Variants in RFX4 observed in about 807,000 individuals in gnomAD.
RFX4 encodes transcription factor RFX4.
RFX4 carries 10 observed loss-of-function variants against 95.0 expected under a neutral mutation model. That is an observed-to-expected ratio of 0.11 (90% CI 0.06 to 0.18). The LOEUF is 0.18. Ranked by LOEUF, RFX4 falls within the 10% of genes least tolerant of loss-of-function variation. The pLI, the probability that RFX4 is intolerant of heterozygous loss-of-function variation, is 1.00. For synonymous variants in RFX4, 321 were observed against 340.7 expected, an observed-to-expected ratio of 0.94 and a Z score of 0.64; for missense variants, 640 against 922.0, an observed-to-expected ratio of 0.69 and a Z score of 3.96.
chr12:106,649,038 A>G (rs375954473), intron 3 of RFX4, among the ~76,000 whole-genome samples: 4 of 152,136 alleles, frequency 2.6e-5, no homozygotes, highest in African/African-American at 9.7e-5. Context: ...CTCAATTCAA[A>G]TATAATCAAG....
At chr12:106,583,615 C>T (rs2039407740) in intron 1 of RFX4, 1 of 373,004 alleles carries the variant, frequency 2.7e-6, no homozygotes, top group Non-Finnish European at 4.8e-6. Context: ...AAGGAGCGCG[C>T]TTTCGCTTGC....
At chr12:106,594,902 A>AG (rs1166456937) in intron 1 of RFX4, among the ~76,000 whole-genome samples, 2 of 152,040 alleles carry the variant, frequency 1.3e-5, no homozygotes, top group East Asian at 3.9e-4. Context: ...AAAGAGAGGG[A>AG]GGGGGACCCC....
At chr12:106,732,840 G>C in intron 14 of RFX4, 84 bp from the exon 15 acceptor site, 2 of 1,357,242 alleles carry the variant, frequency 1.5e-6, no homozygotes. Context: ...ACACAGATTA[G>C]AATAATATTT....
chr12:106,586,216 C>A lies in RFX4; in HGVS notation c.43+2853C>A, dbSNP rs919584907. Among the ~76,000 whole-genome samples, 1 of 152,078 alleles carries A rather than the reference C, an allele frequency of 6.6e-6. No individual in the cohort carries two copies. Among genetic ancestry groups the A allele is most frequent in the African/African-American group, 2.4e-5 (1 of 41,424 alleles). On this transcript the variant is annotated intron_variant, in intron 1 of 17. Coordinates refer to ENST00000392842, the MANE Select transcript of RFX4 (RefSeq NM_213594.3). The surrounding 1 kb of genome is among the most constrained non-coding windows in gnomAD (Gnocchi z 5.6). ...AGGGGCAGTCGACGCACCTTCTGGC[C>A]GGTGCGCGGTTTGCAGTAAGCGCAG... is the stretch of plus-strand genomic sequence containing the variant.
At chr12:106,627,130 A>G (rs2040317789) in intron 2 of RFX4, among the ~76,000 whole-genome samples, 1 of 152,182 alleles carries the variant, frequency 6.6e-6, no homozygotes, top group Admixed American at 6.5e-5. Flanking sequence ...CTGACTGTCC[A>G]GTGGGGACAG....
At chr12:106,654,144 A>T in intron 3 of RFX4, 84 bp from the exon 4 acceptor site, 1 of 1,564,408 alleles carries the variant, frequency 6.4e-7, no homozygotes, top group Non-Finnish European at 8.8e-7. Context: ...AGGACTGCCC[A>T]TCTCTGGAGG....
At chr12:106,742,692 G>C (rs2042827316) in intron 15 of RFX4, among the ~76,000 whole-genome samples, 1 of 152,146 alleles carries the variant, frequency 6.6e-6, no homozygotes, top group Non-Finnish European at 1.5e-5. Flanking sequence ...TCAACTGTAA[G>C]AAACATTGCT....
chr12:106,625,385 C>A (rs74384874), intron 2 of RFX4, among the ~76,000 whole-genome samples: 15,213 of 152,170 alleles, frequency 0.1, 963 homozygotes, highest in Middle Eastern at 0.14. Flanking sequence ...GTCCTAAATG[C>A]CTGATGGGTG....
At position 106,698,162 on chromosome 12, in the gene RFX4, C is replaced by T. The variant is rs371176367; in HGVS notation, c.833+1716C>T. ...TAATTTTTTGTATTTTTAGTAGAGA[C>T]GGGGTTTCACCATGTTGGCCAGGCT... On this transcript the variant is annotated intron_variant, in intron 8 of 17. Coordinates refer to ENST00000392842, the MANE Select transcript of RFX4 (RefSeq NM_213594.3). 2.8e-4 allele frequency among the ~76,000 whole-genome samples: 43 copies of T among 151,848 alleles called. 1 individual carries two copies. The South Asian group carries it at 7.7e-3, about 27-fold the overall frequency.
At chr12:106,658,305 C>T (rs1167614095) in intron 4 of RFX4, among the ~76,000 whole-genome samples, 2 of 152,128 alleles carry the variant, frequency 1.3e-5, no homozygotes, top group Non-Finnish European at 2.9e-5. Context: ...TGGAAACTAG[C>T]TGTATTTTTA....
At chr12:106,677,885 C>T (rs1592927672) in intron 4 of RFX4, among the ~76,000 whole-genome samples, 2 of 152,138 alleles carry the variant, frequency 1.3e-5, no homozygotes, top group South Asian at 4.2e-4. Context: ...GAAGGCAGAA[C>T]CAGTAGGACC....
intron 2 of RFX4, among the ~76,000 whole-genome samples, chr12:106,626,244 C>T (rs1234434991): frequency 6.6e-6 from 1 of 152,158 alleles, no homozygotes; most frequent in Non-Finnish European, 1.5e-5. Context: ...AGATGATTTA[C>T]TAATTATGCA....
intron 1 of RFX4, among the ~76,000 whole-genome samples, chr12:106,597,285 T>C (rs1167436673): frequency 6.6e-6 from 1 of 152,102 alleles, no homozygotes; most frequent in Non-Finnish European, 1.5e-5. Context: ...GCCCATGAGG[T>C]TAAGTAATTT....
At chr12:106,650,264 T>A (rs1466917380) in intron 3 of RFX4, among the ~76,000 whole-genome samples, 2 of 152,178 alleles carry the variant, frequency 1.3e-5, no homozygotes, top group Non-Finnish European at 2.9e-5. Flanking sequence ...CCAAAATAAA[T>A]TCTAGGAAGC....
At chr12:106,722,225 T>TAA (rs1274335462) in intron 13 of RFX4, among the ~76,000 whole-genome samples, 10 of 152,212 alleles carry the variant, frequency 6.6e-5, no homozygotes, top group African/African-American at 2.2e-4. Flanking sequence ...TGTTGGAAAA[T>TAA]ATTTGAGATT....
At chr12:106,648,604 T>TAA (rs35119944) in intron 3 of RFX4, among the ~76,000 whole-genome samples, 6,901 of 133,730 alleles carry the variant, frequency 0.052, 377 homozygotes, top group African/African-American at 0.14. Context: ...GGGCTTTCTG[T>TAA]AAAAAAAAAA....
chr12:106,729,843 T>C (rs548808847), intron 13 of RFX4, among the ~76,000 whole-genome samples: 2 of 152,312 alleles, frequency 1.3e-5, no homozygotes, highest in African/African-American at 4.8e-5. Flanking sequence ...ACAGCGCATG[T>C]AATTACCCAC....
chr12:106,687,063 A>T lies in RFX4; in HGVS notation c.557A>T (p.Asp186Val). The change falls in exon 6 of 18, where the codon GAT becomes GTT. Residue 186 changes from aspartate (D) to valine (V), a missense_variant. Transcript: ENST00000392842. ...TLLPEFPNVK[D>V]LNLPASLPEE... is the part of the protein sequence containing the mutation. ...CTGCCAGAATTTCCCAATGTCAAAG[A>T]TCTAAATCTGCCAGCCAGCCTGCCT... 1 of 1,613,850 alleles carries T rather than the reference A, an allele frequency of 6.2e-7. No homozygotes were observed. Among genetic ancestry groups the T allele is most frequent in the Non-Finnish European group, 8.5e-7 (1 of 1,179,974 alleles).
At chr12:106,734,617 G>A (rs2042676479) in intron 15 of RFX4, among the ~76,000 whole-genome samples, 1 of 150,990 alleles carries the variant, frequency 6.6e-6, no homozygotes. Context: ...AAGTTAATAT[G>A]GATATATATT....
Sources: allele counts gnomAD v4.1 joint callset (sites outside exome capture counted in the v4.1 genomes callset), GRCh38; gene constraint gnomAD v4.1.1; non-coding constraint Gnocchi (gnomAD v3.1); transcripts MANE v1.5; gene names NCBI Gene and HGNC (gene_info 2026-07-23, HGNC 2026-07-21).